ERRFI1: variants seen among roughly 807,000 people sequenced by gnomAD.
ERRFI1 encodes the protein mitogen-inducible gene 6 protein.
A neutral mutation model predicts 14.6 loss-of-function variants in ERRFI1; 12 were observed. The ratio of observed to expected loss-of-function variants is 0.82; its 90% confidence interval spans 0.53 to 1.33. ERRFI1 has a LOEUF of 1.33. Among genes scored for constraint, ERRFI1 ranks in the 40% most tolerant of loss-of-function variants. ERRFI1 has a pLI of 0.00. For missense variants in ERRFI1, 482 were observed against 572.1 expected, an observed-to-expected ratio of 0.84 and a Z score of 1.61; for synonymous variants, 202 against 209.9, an observed-to-expected ratio of 0.96 and a Z score of 0.32.
intron 1 of ERRFI1, among the ~76,000 whole-genome samples, chr1:8,017,567 C>T (rs367855847): frequency 6.6e-6 from 1 of 152,230 alleles, no homozygotes; most frequent in East Asian, 1.9e-4. Flanking sequence ...CCTCTGTGTA[C>T]TTAGCCCAGT....
At position 8,013,305 on chromosome 1, in the gene ERRFI1, T is replaced by C. The variant is rs1430973160; in HGVS notation, c.1294A>G (p.Ile432Val). Reference protein sequence around the residue: ...QIQPLPADCGISSATEKPDSK... With the variant: ...QIQPLPADCGVSSATEKPDSK... ...TCTGGCTTTTCTGTGGCTGAAGATA[T>C]ACCGCAGTCAGCAGGTAATGGCTGG... The change falls in exon 4 of 4, where the codon ATA (isoleucine) becomes GTA (valine). Residue 432 changes from isoleucine (I) to valine (V), a missense_variant. Physicochemically the swap from Ile to Val is conservative, Grantham distance 29 (BLOSUM62 3). Coordinates refer to ENST00000377482, the MANE Select transcript of ERRFI1 (RefSeq NM_018948.4). This position sits in a 1 kb window ranked among gnomAD's most constrained non-coding sequence, Gnocchi z 4.3. 1.5e-5 allele frequency: 25 copies of C among 1,614,126 alleles called. No homozygotes were observed. The highest frequency in any genetic ancestry group is 1.9e-5 in the Non-Finnish European group (22 of 1,180,050).
At chr1:8,019,753 A>G (rs1271802812) in intron 1 of ERRFI1, among the ~76,000 whole-genome samples, 2 of 152,204 alleles carry the variant, frequency 1.3e-5, no homozygotes, top group African/African-American at 4.8e-5. Context: ...ACAGGAAGGA[A>G]TTTTTATGAA....
intron 1 of ERRFI1, among the ~76,000 whole-genome samples, chr1:8,018,381 G>C (rs866325072): frequency 1.5e-4 from 17 of 114,550 alleles, no homozygotes; most frequent in African/African-American, 4.7e-4. Context: ...GGCGGGGGGG[G>C]GGGGGGCGCG....
chr1:8,024,016 G>A (rs111868988), intron 1 of ERRFI1, among the ~76,000 whole-genome samples: 2,098 of 152,328 alleles, frequency 0.014, 54 homozygotes, highest in African/African-American at 0.048. Flanking sequence ...TTCTCTGGCA[G>A]AGGGAGCCTA....
At chr1:8,016,367 T>G (rs754216620) in intron 1 of ERRFI1, among the ~76,000 whole-genome samples, 1 of 152,236 alleles carries the variant, frequency 6.6e-6, no homozygotes, top group Non-Finnish European at 1.5e-5. Flanking sequence ...ATTACTGGCT[T>G]CAGTAAAAGC....
chr1:8,013,305 T>A lies in ERRFI1; in HGVS notation c.1294A>T (p.Ile432Leu). The change falls in exon 4 of 4, where the codon ATA (isoleucine) becomes TTA (leucine). Residue 432 changes from isoleucine (I) to leucine (L), a missense_variant. Ile to Leu is a conservative substitution (Grantham distance 5, BLOSUM62 2). Coordinates refer to ENST00000377482, the MANE Select transcript of ERRFI1 (RefSeq NM_018948.4). This position sits in a 1 kb window ranked among gnomAD's most constrained non-coding sequence, Gnocchi z 4.3. ...TCTGGCTTTTCTGTGGCTGAAGATA[T>A]ACCGCAGTCAGCAGGTAATGGCTGG... ...QIQPLPADCG[I>L]SSATEKPDSK... The A allele has an allele frequency of 6.2e-7, 1 of 1,614,244 alleles. No individual in the cohort carries two copies.
Position 8,013,531 on chromosome 1 carries a change from G to T in ERRFI1, c.1068C>A (p.Pro356=), listed in dbSNP as rs111998622. 1 of 1,614,118 alleles carries T rather than the reference G, an allele frequency of 6.2e-7. No homozygotes were observed. Among genetic ancestry groups the T allele is most frequent in the South Asian group, 1.1e-5 (1 of 91,070 alleles). Reference sequence around the variant, plus strand: ...GCAGTGCTTTGCTGCTGACATACTTGGGATCAGGGGCAAAGCTCTGTGTCG... The same window carrying T: ...GCAGTGCTTTGCTGCTGACATACTTTGGATCAGGGGCAAAGCTCTGTGTCG... ...MPPTQSFAPD[P]KYVSSKALQR... The change falls in exon 4 of 4, where the codon CCC becomes CCA. Residue 356 remains proline (P), a synonymous_variant. Coordinates refer to ENST00000377482, the MANE Select transcript of ERRFI1 (RefSeq NM_018948.4). This position sits in a 1 kb window ranked among gnomAD's most constrained non-coding sequence, Gnocchi z 4.3.
At chr1:8,017,067 T>C (rs543177647) in intron 1 of ERRFI1, among the ~76,000 whole-genome samples, 21 of 152,256 alleles carry the variant, frequency 1.4e-4, no homozygotes, top group African/African-American at 5.1e-4. Flanking sequence ...GTTTGCTGAA[T>C]GAATGATTGT....
Position 8,015,562 on chromosome 1 carries a change from G to T in ERRFI1, c.58C>A (p.Leu20Ile). 6.2e-7 allele frequency: 1 copy of T among 1,614,130 alleles called. No homozygotes were observed. Among genetic ancestry groups the T allele is most frequent in the East Asian group, 2.2e-5 (1 of 44,872 alleles). ...TTCCCCATGGCTCGGCCATTATGTA[G>T]AAATCCAGTTTTTAATGGGACTCTG... ...EIRVPLKTGF[L>I]HNGRAMGNMR... The change falls in exon 2 of 4, where the codon CTA (leucine) becomes ATA (isoleucine). Residue 20 changes from leucine to isoleucine, a missense_variant. By Grantham distance (5) the Leu-to-Ile change is conservative. Coordinates refer to ENST00000377482, the MANE Select transcript of ERRFI1 (RefSeq NM_018948.4).
intron 1 of ERRFI1, among the ~76,000 whole-genome samples, chr1:8,025,531 G>A (rs765805218): frequency 6.6e-6 from 1 of 152,178 alleles, no homozygotes; most frequent in Non-Finnish European, 1.5e-5. Flanking sequence ...TAGGCAGAGG[G>A]AGCGGGGCTG....
chr1:8,024,381 C>A (rs1200897792), intron 1 of ERRFI1, among the ~76,000 whole-genome samples: 1 of 152,140 alleles, frequency 6.6e-6, no homozygotes, highest in African/African-American at 2.4e-5. Flanking sequence ...TTCATAACAG[C>A]CATAAAAAAA....
At chr1:8,023,011 A>C (rs924241275) in intron 1 of ERRFI1, among the ~76,000 whole-genome samples, 1 of 152,152 alleles carries the variant, frequency 6.6e-6, no homozygotes, top group Non-Finnish European at 1.5e-5. Flanking sequence ...GCAGAGGAGC[A>C]TATATTTACA....
chr1:8,022,867 AAT>A (rs1194563617), intron 1 of ERRFI1, among the ~76,000 whole-genome samples: 3 of 152,176 alleles, frequency 2.0e-5, no homozygotes, highest in African/African-American at 7.2e-5. Flanking sequence ...TGAGGTGAAA[AAT>A]AGAGATGGCT....
intron 1 of ERRFI1, among the ~76,000 whole-genome samples, chr1:8,019,078 A>C (rs1641239228): frequency 6.6e-6 from 1 of 152,212 alleles, no homozygotes; most frequent in African/African-American, 2.4e-5. Context: ...TCAATTGCCA[A>C]GTTCCACAGA....
In ERRFI1 at chr1:8,012,464, G is replaced by A. The variant is rs1357159984; in HGVS notation, c.*746C>T. 1 of 229,852 alleles carries A rather than the reference G, an allele frequency of 4.4e-6. No homozygotes were observed. Among genetic ancestry groups the A allele is most frequent in the Admixed American group, 5.7e-5 (1 of 17,628 alleles). 14.2% of individuals were successfully genotyped at this position (229,852 alleles called of 1,614,324 possible). A position where few individuals can be genotyped will look rare whatever the true frequency, so the allele number is the denominator to read the frequency against. On this transcript the variant is annotated 3_prime_UTR_variant, in exon 4 of 4. Coordinates refer to ENST00000377482, the MANE Select transcript of ERRFI1 (RefSeq NM_018948.4). The stretch of plus-strand genomic sequence containing the variant: ...CAGTGGGTGGGACCAAGCAGGAACT[G>A]TAAGGGAAAATTAGTCACTAGTTCT...
At chr1:8,021,726 C>T (rs1170651088) in intron 1 of ERRFI1, among the ~76,000 whole-genome samples, 1 of 152,166 alleles carries the variant, frequency 6.6e-6, no homozygotes, top group Non-Finnish European at 1.5e-5. Context: ...TGTGTATGAA[C>T]TCATTTAATC....
chr1:8,013,552 T>C lies in ERRFI1; in HGVS notation c.1047A>G (p.Thr349=). 3.1e-6 allele frequency: 5 copies of C among 1,614,074 alleles called. No individual in the cohort carries two copies. Among genetic ancestry groups the C allele is most frequent in the Non-Finnish European group, 4.2e-6 (5 of 1,180,020 alleles). The change falls in exon 4 of 4, where the codon ACA becomes ACG. Residue 349 remains threonine (T), a synonymous_variant. Transcript: ENST00000377482. The surrounding 1 kb of genome is among the most constrained non-coding windows in gnomAD (Gnocchi z 4.3). ...ACTTGGGATCAGGGGCAAAGCTCTG[T>C]GTCGGGGGCATGACCCCATTGAGGT... ...PSYLNGVMPP[T]QSFAPDPKYV... is the part of the protein sequence containing the mutation.
intron 3 of ERRFI1, 187 bp downstream of exon 3, chr1:8,015,121 G>C (rs1419874388): frequency 1.7e-6 from 1 of 584,128 alleles, no homozygotes; most frequent in Admixed American, 3.0e-5. Context: ...TCAGAATGAA[G>C]GCAGTCGAGT....
rs2124058836 is a variant in ERRFI1, at chr1:8,013,902, G to C, written c.697C>G (p.Pro233Ala). The C allele has an allele frequency of 6.2e-7, 1 of 1,614,038 alleles. No individual in the cohort carries two copies. Among genetic ancestry groups the C allele is most frequent in the Non-Finnish European group, 8.5e-7 (1 of 1,179,992 alleles). Reference sequence around the variant, plus strand: ...TGAGGTGGAGGAGGATTTGGATCTGGGACACCTCCATTTTGGTCAGACACA... The same window carrying C: ...TGAGGTGGAGGAGGATTTGGATCTGCGACACCTCCATTTTGGTCAGACACA... ...SYVSDQNGGVPDPNPPPPQTH... is the reference protein window; with the variant it reads ...SYVSDQNGGVADPNPPPPQTH... The change falls in exon 4 of 4, where the codon CCA becomes GCA. Residue 233 changes from proline (P) to alanine (A), a missense_variant. Physicochemically the swap from Pro to Ala is conservative, Grantham distance 27. Transcript: ENST00000377482. The surrounding 1 kb of genome is among the most constrained non-coding windows in gnomAD (Gnocchi z 4.3).
Sources: allele counts gnomAD v4.1 joint callset (sites outside exome capture counted in the v4.1 genomes callset), GRCh38; gene constraint gnomAD v4.1.1; non-coding constraint Gnocchi (gnomAD v3.1); transcripts MANE v1.5; gene names NCBI Gene and HGNC (gene_info 2026-07-23, HGNC 2026-07-21).